CNTNAP5: variants seen among roughly 807,000 people sequenced by gnomAD.
CNTNAP5 encodes the protein contactin-associated protein-like 5.
CNTNAP5 carries 72 observed loss-of-function variants against 150.2 expected under a neutral mutation model. That is an observed-to-expected ratio of 0.48 (90% CI 0.40 to 0.58). CNTNAP5 has a LOEUF of 0.58. CNTNAP5 is among the 20% of genes least tolerant of loss of function. The pLI is 0.00. For missense variants in CNTNAP5, 1,636 were observed against 1,626.2 expected, an observed-to-expected ratio of 1.01 and a Z score of -0.10; for synonymous variants, 672 against 619.8, an observed-to-expected ratio of 1.08 and a Z score of -1.25.
chr2:124,517,098 T>A (rs1393138971), intron 8 of CNTNAP5, among the ~76,000 whole-genome samples: 1 of 152,108 alleles, frequency 6.6e-6, no homozygotes, highest in African/African-American at 2.4e-5. Flanking sequence ...GGTTGTGGCA[T>A]TGATGATGGA....
chr2:124,195,725 C>G lies in CNTNAP5; in HGVS notation c.83-25980C>G, dbSNP rs978254207. 2.0e-5 allele frequency among the ~76,000 whole-genome samples: 3 copies of G among 152,038 alleles called. No individual in the cohort carries two copies. The South Asian group carries it at 6.2e-4, about 32-fold the overall frequency. ...AGGATGCAGAGGGGAATGGAGTGAT[C>G]AAACAGAGACTAAGCAATGGTGTGG... On this transcript the variant is annotated intron_variant, in intron 1 of 23. Transcript: ENST00000682447.
chr2:124,762,757 A>G (rs2104599227), intron 14 of CNTNAP5, among the ~76,000 whole-genome samples: 1 of 152,226 alleles, frequency 6.6e-6, no homozygotes, highest in Admixed American at 6.6e-5. Context: ...GGGGATACCA[A>G]GAATGTGGCA....
chr2:124,863,722 G>C (rs968911270), intron 19 of CNTNAP5, among the ~76,000 whole-genome samples: 2 of 152,148 alleles, frequency 1.3e-5, no homozygotes, highest in African/African-American at 4.8e-5. Context: ...ATCAGTCAGG[G>C]ACACGGTGGT....
chr2:124,132,162 ATT>A (rs1683867083), intron 1 of CNTNAP5, among the ~76,000 whole-genome samples: 1 of 152,116 alleles, frequency 6.6e-6, no homozygotes. Context: ...ATAAGGGCCC[ATT>A]TTCAGACTAC....
intron 3 of CNTNAP5, among the ~76,000 whole-genome samples, chr2:124,263,917 T>G (rs2104604499): frequency 6.6e-6 from 1 of 152,320 alleles, no homozygotes; most frequent in Non-Finnish European, 1.5e-5. Flanking sequence ...CCTTTCCCCA[T>G]TTCTTGTTTT....
intron 22 of CNTNAP5, among the ~76,000 whole-genome samples, chr2:124,910,371 G>A (rs936400281): frequency 6.6e-6 from 1 of 152,066 alleles, no homozygotes; most frequent in Non-Finnish European, 1.5e-5. Context: ...CACTTACGTT[G>A]TATCAGCCAC....
At chr2:124,550,009 G>A (rs1351194584) in intron 10 of CNTNAP5, among the ~76,000 whole-genome samples, 5 of 152,184 alleles carry the variant, frequency 3.3e-5, no homozygotes, top group Non-Finnish European at 5.9e-5. Context: ...TGACAGTGCA[G>A]TGTAACATCA....
intron 1 of CNTNAP5, among the ~76,000 whole-genome samples, chr2:124,113,923 C>CTA (rs1385890252): frequency 8.6e-5 from 13 of 151,742 alleles, no homozygotes; most frequent in African/African-American, 1.9e-4. Flanking sequence ...GTGTCTCTCT[C>CTA]TCTATATATA....
intron 19 of CNTNAP5, among the ~76,000 whole-genome samples, chr2:124,806,192 A>G (rs1298377876): frequency 6.6e-6 from 1 of 152,144 alleles, no homozygotes; most frequent in Non-Finnish European, 1.5e-5. Context: ...AACTTAGCAC[A>G]TAGTTCACCT....
chr2:124,609,157 C>G (rs1355865799), intron 11 of CNTNAP5, among the ~76,000 whole-genome samples: 1 of 151,950 alleles, frequency 6.6e-6, no homozygotes, highest in Non-Finnish European at 1.5e-5. Flanking sequence ...TTTGGATGAT[C>G]CAAGCTCAGT....
At position 124,798,432 on chromosome 2, in the gene CNTNAP5, C is replaced by A. The variant is rs1434325059; in HGVS notation, c.3217+112C>A. 3 of 730,776 alleles carry A rather than the reference C, an allele frequency of 4.1e-6. No homozygotes were observed. The Admixed American group carries it at 7.9e-5, about 19-fold the overall frequency. The allele number at this position is 730,776 out of a possible 1,614,324, so 45.3% of individuals were successfully genotyped here. On this transcript the variant is annotated intron_variant, in intron 19 of 23. Coordinates refer to ENST00000682447, the MANE Select transcript of CNTNAP5 (RefSeq NM_001367498.1). The stretch of plus-strand genomic sequence containing the variant: ...CCTCAAGTTGGTCCCATCTGGGAAG[C>A]TTATTTCCAGACTTCCAGCCAAATC...
chr2:124,556,525 T>C (rs1695758708), intron 10 of CNTNAP5, among the ~76,000 whole-genome samples: 1 of 152,172 alleles, frequency 6.6e-6, no homozygotes, highest in African/African-American at 2.4e-5. Context: ...TAGGTTTTTA[T>C]GGGATCCCCT....
intron 7 of CNTNAP5, among the ~76,000 whole-genome samples, chr2:124,489,290 G>A (rs967748648): frequency 6.6e-5 from 10 of 152,148 alleles, no homozygotes; most frequent in African/African-American, 2.2e-4. Flanking sequence ...AGTCCAACAT[G>A]AAAATGTCAG....
At chr2:124,274,048 A>G (rs1017467923) in intron 3 of CNTNAP5, among the ~76,000 whole-genome samples, 1 of 152,200 alleles carries the variant, frequency 6.6e-6, no homozygotes. Context: ...AGTTGACATC[A>G]ACTTAGCAAT....
At chr2:124,233,025 C>G (rs981601259) in intron 2 of CNTNAP5, among the ~76,000 whole-genome samples, 6 of 140,092 alleles carry the variant, frequency 4.3e-5, no homozygotes, top group African/African-American at 1.6e-4. Flanking sequence ...TTTTGTGAGA[C>G]TTTTTGTATC....
intron 1 of CNTNAP5, among the ~76,000 whole-genome samples, chr2:124,048,833 G>A (rs1457350474): frequency 1.3e-5 from 2 of 152,168 alleles, no homozygotes; most frequent in African/African-American, 4.8e-5. Flanking sequence ...GTCCTCATAA[G>A]TATACAGCAG....
chr2:124,423,836 T>C (rs1026741940), intron 4 of CNTNAP5, among the ~76,000 whole-genome samples: 1 of 146,882 alleles, frequency 6.8e-6, no homozygotes, highest in Non-Finnish European at 1.5e-5. Flanking sequence ...GGCTAATTTT[T>C]TGTATTTTTA....
chr2:124,121,044 G>A (rs980005667), intron 1 of CNTNAP5, among the ~76,000 whole-genome samples: 3 of 151,984 alleles, frequency 2.0e-5, no homozygotes, highest in Non-Finnish European at 4.4e-5. Flanking sequence ...GGATCACTCA[G>A]GAGGTTCAGT....
intron 1 of CNTNAP5, among the ~76,000 whole-genome samples, chr2:124,159,225 G>T (rs1284255395): frequency 6.6e-6 from 1 of 152,094 alleles, no homozygotes; most frequent in South Asian, 2.1e-4. Context: ...TTTTTAAAAG[G>T]TTTAGGTGAT....
Sources: gnomAD v4.1 joint callset for allele counts (sites outside exome capture counted in the v4.1 genomes callset) on GRCh38, gnomAD v4.1.1 for gene constraint, MANE v1.5 for transcripts, NCBI Gene and HGNC (gene_info 2026-07-23, HGNC 2026-07-21) for gene names.